Variants in MUC5B observed in about 807,000 individuals in gnomAD.
MUC5B encodes the protein mucin-5B.
A neutral mutation model predicts 376.9 loss-of-function variants in MUC5B; 116 were observed. That is an observed-to-expected ratio of 0.31 (90% confidence interval 0.26 to 0.36). MUC5B has a LOEUF of 0.36. Ranked by LOEUF, MUC5B falls within the 10% of genes least tolerant of loss-of-function variation. The pLI is 1.00. For missense variants in MUC5B, 7,165 were observed against 7,769.9 expected (o/e 0.92, Z 2.93); for synonymous variants, 3,517 against 3,390.9 (o/e 1.04, Z -1.29).
Position 1,250,489 on chromosome 11 carries a change from C to T in MUC5B, c.13609C>T (p.Leu4537=). The change falls in exon 31 of 49, where the codon CTA becomes TTA. Residue 4537 remains leucine (L), a synonymous_variant. Transcript: ENST00000529681. ...CTCCCTGGGCACCACCTGGACCCGC[C>T]TATCACAGACCACCACACCCACGGC... ...SSSLGTTWTR[L]SQTTTPTATM... 1.2e-6 allele frequency: 2 copies of T among 1,600,186 alleles called. No homozygotes were observed. Among genetic ancestry groups the T allele is most frequent in the South Asian group, 1.1e-5 (1 of 90,796 alleles).
Position 1,225,740 on chromosome 11 carries a change from A to G in MUC5B, c.127+3A>G. The G allele has an allele frequency of 6.2e-7, 1 of 1,603,454 alleles. No individual in the cohort carries two copies. The highest frequency in any genetic ancestry group is 8.5e-7 in the Non-Finnish European group (1 of 1,175,098). ...TGCAGGGCACACCATGGATGGCGGT[A>G]TGTGGCCAGGTTCGGGGGTGGGGGG... On this transcript the variant is annotated splice_donor_region_variant and intron_variant, in intron 2 of 48. Coordinates refer to ENST00000529681, the MANE Select transcript of MUC5B (RefSeq NM_002458.3).
At chr11:1,229,592 T>A (rs1861974282) in intron 9 of MUC5B, 98 bp from the exon 10 acceptor site, 3 of 1,091,640 alleles carry the variant, frequency 2.7e-6, no homozygotes, top group Non-Finnish European at 4.0e-6. Flanking sequence ...GAGCAGGAAT[T>A]CCTCCCCAAG....
At chr11:1,254,906 G>A (rs1276439749) in intron 35 of MUC5B, 26 bp downstream of exon 35, 9 of 1,594,152 alleles carry the variant, frequency 5.6e-6, no homozygotes, top group South Asian at 1.1e-5. Flanking sequence ...GTCCTGCCCC[G>A]GCCAGGGCTG....
At chr11:1,240,535 T>C (rs1429003826) in intron 30 of MUC5B, among the ~76,000 whole-genome samples, 160 bp downstream of exon 30, 2 of 152,042 alleles carry the variant, frequency 1.3e-5, no homozygotes, top group Non-Finnish European at 2.9e-5. Flanking sequence ...ACCCTGCGTG[T>C]CTCCAGGGGC....
rs1017974151 is a variant in MUC5B, at chr11:1,239,821, C to A, written c.3606C>A (p.Pro1202=). 1 of 1,611,926 alleles carries A rather than the reference C, an allele frequency of 6.2e-7. No homozygotes were observed. The highest frequency in any genetic ancestry group is 1.3e-5 in the African/African-American group (1 of 74,990). The change falls in exon 28 of 49, where the codon CCC becomes CCA. Residue 1202 remains proline (P), a synonymous_variant. Coordinates refer to ENST00000529681, the MANE Select transcript of MUC5B (RefSeq NM_002458.3). ...GLEGCYPKCP[P]SQPFFNEDQM... is the part of the protein sequence containing the mutation. ...TAGGCTGCTACCCGAAGTGCCCACCCAGCCAGCCCTTCTTCAATGAGGACC... is the reference window on the plus strand; with the variant it reads ...TAGGCTGCTACCCGAAGTGCCCACCAAGCCAGCCCTTCTTCAATGAGGACC...
intron 31 of MUC5B, 55 bp from the exon 32 acceptor site, chr11:1,252,288 C>G: frequency 6.7e-7 from 1 of 1,495,010 alleles, no homozygotes. Flanking sequence ...TCCCAGAACT[C>G]TGGCTTACCC....
chr11:1,245,936 C>T lies in MUC5B; in HGVS notation c.9056C>T (p.Ala3019Val), dbSNP rs759687825. ...ATCCCGTCCTCCACCCCGGGAACAG[C>T]TCCCCCTCCCAAAGTGCTGACCAGC... ...TAIPSSTPGT[A>V]PPPKVLTSTA... is the part of the protein sequence containing the mutation. The change falls in exon 31 of 49, where the codon GCT becomes GTT. Residue 3019 changes from alanine (A) to valine (V), a missense_variant. Around this residue, in one of 31 missense-constraint regions of MUC5B, gnomAD observed 939 missense variants for 770.6 expected, o/e 1.22. Transcript: ENST00000529681. The T allele has an allele frequency of 3.1e-6, 5 of 1,613,134 alleles. No homozygotes were observed. Among genetic ancestry groups the T allele is most frequent in the Middle Eastern group, 1.7e-4 (1 of 6,060 alleles).
Position 1,262,138 on chromosome 11 carries a change from G to A in MUC5B, c.*530G>A. The A allele has an allele frequency of 6.1e-6, 3 of 495,616 alleles. No individual in the cohort carries two copies. The highest frequency in any genetic ancestry group is 1.3e-5 in the Non-Finnish European group (3 of 237,718). The allele number at this position is 495,616 out of a possible 1,614,324, so 30.7% of individuals were successfully genotyped here. On this transcript the variant is annotated 3_prime_UTR_variant, in exon 49 of 49. Coordinates refer to ENST00000529681, the MANE Select transcript of MUC5B (RefSeq NM_002458.3). The stretch of plus-strand genomic sequence containing the variant: ...CCCAAAGCCCCCTCTGCTCAACCCA[G>A]CCCAGTTTTGCAAATAAACCCTGAG...
rs1190364407 is a variant in MUC5B at position 1,243,369 on chromosome 11, C to G, written c.6489C>G (p.Thr2163=). The change falls in exon 31 of 49, where the codon ACC becomes ACG. Residue 2163 remains threonine, a synonymous_variant. Coordinates refer to ENST00000529681, the MANE Select transcript of MUC5B (RefSeq NM_002458.3). ...PGTTPIPPVL[T]TTATTPAATS... ...CAACTCCCATCCCCCCAGTGCTGAC[C>G]ACCACCGCCACCACACCTGCAGCCA... The G allele has an allele frequency of 6.5e-7, 1 of 1,534,384 alleles. No homozygotes were observed. Among genetic ancestry groups the G allele is most frequent in the Admixed American group, 2.0e-5 (1 of 51,104 alleles).
In MUC5B at chr11:1,247,339, C is replaced by T. The variant is rs1322701628; in HGVS notation, c.10459C>T (p.Pro3487Ser). 1.2e-6 allele frequency: 2 copies of T among 1,611,332 alleles called. No individual in the cohort carries two copies. Among genetic ancestry groups the T allele is most frequent in the South Asian group, 2.2e-5 (2 of 90,948 alleles). The change falls in exon 31 of 49, where the codon CCT becomes TCT. Residue 3487 changes from proline (P) to serine (S), a missense_variant. Coordinates refer to ENST00000529681, the MANE Select transcript of MUC5B (RefSeq NM_002458.3). ...CTTGGGCACCACCCACATCACAGAG[C>T]CTTCCACGGTGACTTCCCACACCCC... ...GILGTTHITE[P>S]STVTSHTPAA... is the part of the protein sequence containing the mutation.
rs1193001393 is a variant in MUC5B, at chr11:1,261,842, G to A, written c.*234G>A. 1 of 693,692 alleles carries A rather than the reference G, an allele frequency of 1.4e-6. No individual in the cohort carries two copies. Among genetic ancestry groups the A allele is most frequent in the African/African-American group, 1.8e-5 (1 of 57,092 alleles). The allele number at this position is 693,692 out of a possible 1,614,324, so 43.0% of individuals were successfully genotyped here. On this transcript the variant is annotated 3_prime_UTR_variant, in exon 49 of 49. Coordinates refer to ENST00000529681, the MANE Select transcript of MUC5B (RefSeq NM_002458.3). ...GAGTCCTACCCTGGGAGAGCCTGTG[G>A]CCCACCTTGGCCTTGCCCCTCCCTG... is the stretch of plus-strand genomic sequence containing the variant.
In MUC5B at chr11:1,257,233, T is replaced by C; in HGVS notation, c.16238-7T>C. 1 of 779,760 alleles carries C rather than the reference T, an allele frequency of 1.3e-6. No individual in the cohort carries two copies. Among genetic ancestry groups the C allele is most frequent in the Non-Finnish European group, 2.4e-6 (1 of 418,044 alleles). The allele number at this position is 779,760 out of a possible 1,614,324, so 48.3% of individuals were successfully genotyped here. A position where few individuals can be genotyped will look rare whatever the true frequency, so the allele number is the denominator to read the frequency against. On this transcript the variant is annotated splice_polypyrimidine_tract_variant and splice_region_variant and intron_variant, in intron 39 of 48. Transcript: ENST00000529681. The surrounding 1 kb of genome is among the most constrained non-coding windows in gnomAD (Gnocchi z 8.9). ...CCCTCCGTGATGCCATGCTGTTTTC[T>C]TTCCAGCCTGCGTGGGACCCGATGG...
chr11:1,245,369 C>G lies in MUC5B; in HGVS notation c.8489C>G (p.Pro2830Arg). ...ESPPSPGTTT[P>R]GHTRATSRTT... ...CCCCCTTCTCCAGGGACGACCACCC[C>G]GGGCCACACCAGGGCCACCTCCAGG... The change falls in exon 31 of 49, where the codon CCG becomes CGG. Residue 2830 changes from proline to arginine, a missense_variant. Coordinates refer to ENST00000529681, the MANE Select transcript of MUC5B (RefSeq NM_002458.3). 1.9e-6 allele frequency: 3 copies of G among 1,568,912 alleles called. No homozygotes were observed. The highest frequency in any genetic ancestry group is 2.6e-6 in the Non-Finnish European group (3 of 1,155,836).
chr11:1,226,542 G>A, intron 3 of MUC5B, 73 bp from the exon 4 acceptor site: 1 of 1,521,186 alleles, frequency 6.6e-7, no homozygotes, highest in South Asian at 1.2e-5. Flanking sequence ...AAAAACCAGG[G>A]TGCCTCGGCC....
At chr11:1,259,671 C>A in intron 44 of MUC5B, 85 bp from the exon 45 acceptor site, 1 of 1,412,788 alleles carries the variant, frequency 7.1e-7, no homozygotes, top group Non-Finnish European at 1.0e-6. Context: ...TCCTGGACCA[C>A]TGGGGTGTAG....
Position 1,258,144 on chromosome 11 carries a change from C to T in MUC5B, c.16496C>T (p.Pro5499Leu). 6.2e-7 allele frequency: 1 copy of T among 1,601,208 alleles called. No individual in the cohort carries two copies. Among genetic ancestry groups the T allele is most frequent in the Non-Finnish European group, 8.5e-7 (1 of 1,175,856 alleles). The change falls in exon 42 of 49, where the codon CCA becomes CTA. Residue 5499 changes from proline (P) to leucine (L), a missense_variant. Around this residue, in one of 31 missense-constraint regions of MUC5B, gnomAD observed 842 missense variants for 1,016.9 expected, o/e 0.83. Transcript: ENST00000529681. This position sits in a 1 kb window ranked among gnomAD's most constrained non-coding sequence, Gnocchi z 5.5. Reference protein sequence around the residue: ...TCPQSLPVCPPGQESICTQEE... With the variant: ...TCPQSLPVCPLGQESICTQEE... ...CCCCAGAGCCTGCCTGTGTGCCCGC[C>T]AGGGCAGGAGTCCATCTGCACCCAG... is the stretch of plus-strand genomic sequence containing the variant.
chr11:1,249,406 G>A lies in MUC5B; in HGVS notation c.12526G>A (p.Ala4176Thr). 1 of 1,611,306 alleles carries A rather than the reference G, an allele frequency of 6.2e-7. No homozygotes were observed. ...CEQPLGLECR[A>T]QAQPGVPLGE... ...GCAGCCCCTGGGCCTCGAGTGCCGT[G>A]CCCAGGCCCAGCCTGGTGTCCCCCT... The change falls in exon 31 of 49, where the codon GCC becomes ACC. Residue 4176 changes from alanine (A) to threonine (T), a missense_variant. Around this residue, in one of 31 missense-constraint regions of MUC5B, gnomAD observed 34 missense variants for 25.7 expected, o/e 1.32. Transcript: ENST00000529681.
rs373617983 is a variant in MUC5B at position 1,248,917 on chromosome 11, G to A, written c.12037G>A (p.Gly4013Arg). Residue 4013 changes from glycine to arginine, a missense_variant, in exon 31 of 49, where the codon GGG becomes AGG. Transcript: ENST00000529681. The part of the protein sequence containing the change: ...PVPNTTATTH[G>R]RSLSPSSPHT... ...GCCGAACACCACGGCCACCACACAC[G>A]GGCGATCCCTGTCCCCCAGCAGTCC... 2.2e-5 allele frequency: 34 copies of A among 1,572,850 alleles called. No homozygotes were observed. Among genetic ancestry groups the A allele is most frequent in the African/African-American group, 1.8e-4 (13 of 72,334 alleles).
rs771321732 is a variant in MUC5B, at chr11:1,227,051, G to A, written c.482G>A (p.Arg161His). The change falls in exon 5 of 49, where the codon CGC (arginine) becomes CAC (histidine). Residue 161 changes from arginine (R) to histidine (H), a missense_variant. Physicochemically the swap from Arg to His is conservative, Grantham distance 29. This residue lies in a region of MUC5B where 640 missense variants were observed against 733.0 expected (regional missense o/e 0.87). Transcript: ENST00000529681. ...NGQREELPYS[R>H]TGLLVEQSGD... ...CGCAGGGAGGAGCTGCCTTACAGCC[G>A]CACTGGCCTCCTGGTGGAGCAGAGC... is the stretch of plus-strand genomic sequence containing the variant. 40 of 1,611,260 alleles carry A rather than the reference G, an allele frequency of 2.5e-5. No homozygotes were observed. Among genetic ancestry groups the A allele is most frequent in the Non-Finnish European group, 3.2e-5 (38 of 1,179,154 alleles).
Sources: allele counts gnomAD v4.1 joint callset (sites outside exome capture counted in the v4.1 genomes callset), GRCh38; gene constraint gnomAD v4.1.1; regional missense constraint gnomAD v4.1.1; non-coding constraint Gnocchi (gnomAD v3.1); transcripts MANE v1.5; gene names NCBI Gene and HGNC (gene_info 2026-07-23, HGNC 2026-07-21).